CDK20: variants seen among roughly 807,000 people sequenced by gnomAD.
CDK20 encodes cyclin-dependent kinase 20.
Under a neutral mutation model 38.6 loss-of-function variants are expected in CDK20, and 40 were observed. That is an observed-to-expected ratio of 1.04 (90% CI 0.81 to 1.35). CDK20 has a LOEUF of 1.35. Ranked by LOEUF, CDK20 falls within the 40% of genes most tolerant of loss-of-function variation. The pLI, the probability that CDK20 is intolerant of heterozygous loss-of-function variation, is 0.00. For synonymous variants in CDK20, 209 were observed against 185.7 expected, an observed-to-expected ratio of 1.13 and a Z score of -1.02; for missense variants, 512 against 452.6, an observed-to-expected ratio of 1.13 and a Z score of -1.19.
chr9:87,970,772 C>CT lies in CDK20; in HGVS notation c.500+3dup. The CT allele has an allele frequency of 6.2e-7, 1 of 1,613,758 alleles. No individual in the cohort carries two copies. The highest frequency in any genetic ancestry group is 8.5e-7 in the Non-Finnish European group (1 of 1,180,006). On this transcript the variant is annotated splice_donor_region_variant and intron_variant, in intron 4 of 7. Coordinates refer to ENST00000325303, the MANE Select transcript of CDK20 (RefSeq NM_001039803.3). ...AAGACTGGAAGGGATCTGGCCCTCC[C>CT]TACCTGGTGGCCACCTGGTGTGTGT...
In CDK20 at chr9:87,967,575, C is replaced by A. The variant is rs1344592835; in HGVS notation, c.928G>T (p.Ala310Ser). Reference sequence around the variant, plus strand: ...GGGGGCCCTGGATGGGCCTTGGGGGCAGGTCCCCCTAGACGCTGAGGAATC... The same window carrying A: ...GGGGGCCCTGGATGGGCCTTGGGGGAAGGTCCCCCTAGACGCTGAGGAATC... The part of the protein sequence containing the change: ...LPIPQRLGGP[A>S]PKAHPGPPHI... Residue 310 changes from alanine (A) to serine (S), a missense_variant, in exon 8 of 8, where the codon GCC becomes TCC. Coordinates refer to ENST00000325303, the MANE Select transcript of CDK20 (RefSeq NM_001039803.3). The A allele has an allele frequency of 6.5e-7, 1 of 1,547,726 alleles. No individual in the cohort carries two copies. Among genetic ancestry groups the A allele is most frequent in the South Asian group, 1.2e-5 (1 of 83,414 alleles).
chr9:87,972,307 C>T (rs1423229061), intron 2 of CDK20, among the ~76,000 whole-genome samples: 2 of 152,044 alleles, frequency 1.3e-5, no homozygotes, highest in Admixed American at 6.6e-5. Context: ...TAGATGAGGA[C>T]CCAGTTTGTG....
At position 87,967,945 on chromosome 9, in the gene CDK20, G is replaced by T. The variant is rs550227338; in HGVS notation, c.844-286C>A. On this transcript the variant is annotated intron_variant, in intron 7 of 7. Transcript: ENST00000325303. ...TGATTAGTGCAGTGGAAGAGAGAAAGCAAGACAGAGGAATGAGGAATCCTG... is the reference window on the plus strand; with the variant it reads ...TGATTAGTGCAGTGGAAGAGAGAAATCAAGACAGAGGAATGAGGAATCCTG... 1.8e-4 allele frequency: 52 copies of T among 288,700 alleles called. No individual in the cohort carries two copies. In the Admixed American group the frequency reaches 2.3e-3, roughly 13 times the overall value. The allele number at this position is 288,700 out of a possible 1,614,324, so 17.9% of individuals were successfully genotyped here. A position where few individuals can be genotyped will look rare whatever the true frequency, so the allele number is the denominator to read the frequency against.
intron 5 of CDK20, chr9:87,970,273 C>G (rs1447871822): frequency 1.9e-5 from 9 of 469,652 alleles, no homozygotes; most frequent in Middle Eastern, 5.3e-4. Context: ...CTCAGAGATG[C>G]CATATCCTAG....
In CDK20 at chr9:87,974,493, ACT is replaced by A. The variant is rs1830095558; in HGVS notation, c.-49_-48del. Reference sequence around the variant, plus strand: ...TGCCCCTGTGCCCCTGAACTTCCAAACTCCACTTCTCCTCCACCCCACGCTGA... The same window carrying A: ...TGCCCCTGTGCCCCTGAACTTCCAAACCACTTCTCCTCCACCCCACGCTGA... On this transcript the variant is annotated 5_prime_UTR_variant, in exon 1 of 8. Coordinates refer to ENST00000325303, the MANE Select transcript of CDK20 (RefSeq NM_001039803.3). 2.0e-6 allele frequency: 3 copies of A among 1,537,694 alleles called. No homozygotes were observed. The highest frequency in any genetic ancestry group is 2.7e-6 in the Non-Finnish European group (3 of 1,128,080).
chr9:87,971,455 A>G (rs1235800757), intron 2 of CDK20, 120 bp from the exon 3 acceptor site: 1 of 861,356 alleles, frequency 1.2e-6, no homozygotes, highest in Non-Finnish European at 1.8e-6. Flanking sequence ...GTAAGCAAAG[A>G]AGGTGACGTG....
In CDK20 at chr9:87,972,692, A is replaced by G. The variant is rs9410654; in HGVS notation, c.189+1230T>C. On this transcript the variant is annotated intron_variant, in intron 2 of 7. Coordinates refer to ENST00000325303, the MANE Select transcript of CDK20 (RefSeq NM_001039803.3). ...GCCACTGTCATTCTGATGAGTGGTG[A>G]TGATGACTTGGGCAAGGAGCAAATC... 9.8e-3 allele frequency among the ~76,000 whole-genome samples: 1,486 copies of G among 152,292 alleles called. 17 individuals are homozygous for G. Among genetic ancestry groups the G allele is most frequent in the Middle Eastern group, 0.048 (14 of 294 alleles).
At chr9:87,968,717 T>G (rs1165902491) in intron 7 of CDK20, 1 of 156,340 alleles carries the variant, frequency 6.4e-6, no homozygotes, top group Non-Finnish European at 1.4e-5. Flanking sequence ...TGACCTCTTG[T>G]GACCTTTTGG....
Position 87,971,276 on chromosome 9 carries a change from G to A in CDK20, c.249C>T (p.Phe83=), listed in dbSNP as rs373884873. 2.7e-5 allele frequency: 44 copies of A among 1,613,940 alleles called. No homozygotes were observed. The highest frequency in any genetic ancestry group is 1.8e-4 in the Admixed American group (11 of 59,980). The change falls in exon 3 of 8, where the codon TTC becomes TTT. Residue 83 remains phenylalanine (F), a synonymous_variant. Transcript: ENST00000325303. ...HGGGFVLAFE[F]MLSDLAEVVR... is the part of the protein sequence containing the mutation. ...CCACCTCGGCCAGATCCGACAGCAT[G>A]AACTCAAAGGCCAGCACAAAGCCTC...
rs536801172 is a variant in CDK20 at position 87,969,324 on chromosome 9, T to C, written c.713A>G (p.Asn238Ser). ...CACCTGCTCCTTAAAGGAGATCTTG[T>C]TGTAGTCCGGCAGCTCAGTGAGCTC... is the stretch of plus-strand genomic sequence containing the variant. ...WPELTELPDY[N>S]KISFKEQVPM... The change falls in exon 7 of 8, where the codon AAC becomes AGC. Residue 238 changes from asparagine (N) to serine (S), a missense_variant. By Grantham distance (46) the Asn-to-Ser change is conservative. Transcript: ENST00000325303. The C allele has an allele frequency of 3.1e-6, 5 of 1,613,970 alleles. No homozygotes were observed. The highest frequency in any genetic ancestry group is 4.2e-6 in the Non-Finnish European group (5 of 1,179,948).
intron 7 of CDK20, 28 bp downstream of exon 7, chr9:87,969,166 G>A (rs963498491): frequency 1.2e-6 from 2 of 1,610,582 alleles, no homozygotes; most frequent in Non-Finnish European, 1.7e-6. Flanking sequence ...GGAGCTGAAG[G>A]AGCAGAGACT....
intron 2 of CDK20, 84 bp from the exon 3 acceptor site, chr9:87,971,419 C>T (rs771746138): frequency 1.3e-5 from 16 of 1,271,822 alleles, no homozygotes. Context: ...CATGCCCTGA[C>T]AGAGGACCCT....
Position 87,974,502 on chromosome 9 carries a change from C to A in CDK20, c.-56G>T, listed in dbSNP as rs111630196. The A allele has an allele frequency of 6.0e-6, 9 of 1,501,204 alleles. No homozygotes were observed. The highest frequency in any genetic ancestry group is 1.4e-5 in the African/African-American group (1 of 72,722). 93.0% of individuals were successfully genotyped at this position (1,501,204 alleles called of 1,614,324 possible). On this transcript the variant is annotated 5_prime_UTR_variant, in exon 1 of 8. Coordinates refer to ENST00000325303, the MANE Select transcript of CDK20 (RefSeq NM_001039803.3). ...GCCCCTGAACTTCCAAACTCCACTT[C>A]TCCTCCACCCCACGCTGATCTGAGC... is the stretch of plus-strand genomic sequence containing the variant.
intron 2 of CDK20, among the ~76,000 whole-genome samples, chr9:87,973,263 G>A (rs1289873011): frequency 6.6e-6 from 1 of 152,140 alleles, no homozygotes; most frequent in Non-Finnish European, 1.5e-5. Context: ...TGTTCCAGCA[G>A]CCCCTCCCGG....
chr9:87,974,352 C>T lies in CDK20; in HGVS notation c.75+20G>A. ...CGGGGGCACACCCCCGCCAGGCTGCCGGCCGCGGTCCAGCCTCACCTCCAC... is the reference window on the plus strand; with the variant it reads ...CGGGGGCACACCCCCGCCAGGCTGCTGGCCGCGGTCCAGCCTCACCTCCAC... On this transcript the variant is annotated intron_variant, in intron 1 of 7. Transcript: ENST00000325303. 6.2e-7 allele frequency: 1 copy of T among 1,608,776 alleles called. No individual in the cohort carries two copies. The highest frequency in any genetic ancestry group is 1.1e-5 in the South Asian group (1 of 90,966).
rs1333772477 is a variant in CDK20 at position 87,974,493 on chromosome 9, A to G, written c.-47T>C. On this transcript the variant is annotated 5_prime_UTR_variant, in exon 1 of 8. Transcript: ENST00000325303. ...TGCCCCTGTGCCCCTGAACTTCCAA[A>G]CTCCACTTCTCCTCCACCCCACGCT... 6.5e-7 allele frequency: 1 copy of G among 1,537,572 alleles called. No homozygotes were observed. Among genetic ancestry groups the G allele is most frequent in the African/African-American group, 1.4e-5 (1 of 72,866 alleles).
chr9:87,972,652 A>G (rs952798707), intron 2 of CDK20, among the ~76,000 whole-genome samples: 1 of 152,156 alleles, frequency 6.6e-6, no homozygotes, highest in Admixed American at 6.5e-5. Context: ...GGCTATGGAG[A>G]GCAGTGGGGA....
rs774986947 is a variant in CDK20 at position 87,967,499 on chromosome 9, T to C, written c.1004A>G (p.Asn335Ser). 4 of 1,556,022 alleles carry C rather than the reference T, an allele frequency of 2.6e-6. No homozygotes were observed. The South Asian group carries it at 4.7e-5, about 18-fold the overall frequency. Residue 335 changes from asparagine (N) to serine (S), a missense_variant, in exon 8 of 8, where the codon AAC becomes AGC. Physicochemically the swap from Asn to Ser is conservative, Grantham distance 46 (BLOSUM62 1). Coordinates refer to ENST00000325303, the MANE Select transcript of CDK20 (RefSeq NM_001039803.3). ...VDRPLEESLL[N>S]PELIRPFILE... is the part of the protein sequence containing the mutation. Reference sequence around the variant, plus strand: ...GATGAAGGGCCGAATCAGCTCTGGGTTCAACAGCGACTCCTCAAGAGGCCG... The same window carrying C: ...GATGAAGGGCCGAATCAGCTCTGGGCTCAACAGCGACTCCTCAAGAGGCCG...
intron 3 of CDK20, 46 bp from the exon 4 acceptor site, chr9:87,970,943 G>T: frequency 6.2e-7 from 1 of 1,609,676 alleles, no homozygotes; most frequent in Non-Finnish European, 8.5e-7. Context: ...TCCCCCATAG[G>T]ACCTTGGGAC....
Sources: allele counts gnomAD v4.1 joint callset (sites outside exome capture counted in the v4.1 genomes callset), GRCh38; gene constraint gnomAD v4.1.1; transcripts MANE v1.5; gene names NCBI Gene and HGNC (gene_info 2026-07-23, HGNC 2026-07-21).